The following MDGA2 variants were observed in gnomAD, a reference collection of about 807,000 sequenced individuals.
MDGA2 encodes the protein MAM domain-containing glycosylphosphatidylinositol anchor protein 2.
MDGA2 carries 40 observed loss-of-function variants against 117.8 expected under a neutral mutation model. That is an observed-to-expected ratio of 0.34 (90% CI 0.26 to 0.44). The LOEUF (loss-of-function observed/expected upper bound fraction) is 0.44, where lower values mean the gene tolerates loss of function less well. MDGA2 is among the 20% of genes least tolerant of loss of function. The pLI is 1.00. For synonymous variants in MDGA2, 452 were observed against 439.0 expected (o/e 1.03, Z -0.37); for missense variants, 1,123 against 1,250.6 (o/e 0.90, Z 1.54).
At chr14:47,451,966 T>C (rs549528286) in intron 1 of MDGA2, among the ~76,000 whole-genome samples, 44 of 152,202 alleles carry the variant, frequency 2.9e-4, no homozygotes, top group African/African-American at 1.0e-3. Context: ...GATAACTTCT[T>C]TGGGTACATT....
chr14:47,298,867 T>C (rs1889175361), intron 2 of MDGA2, among the ~76,000 whole-genome samples: 2 of 151,840 alleles, frequency 1.3e-5, no homozygotes, highest in African/African-American at 4.8e-5. Context: ...TTTGCATTTT[T>C]AGTAGAGACA....
intron 6 of MDGA2, among the ~76,000 whole-genome samples, chr14:47,073,138 C>T (rs112218298): frequency 2.0e-3 from 301 of 152,220 alleles, no homozygotes; most frequent in African/African-American, 6.8e-3. Context: ...TCTTTACCTA[C>T]GAATTTCTAA....
At chr14:47,240,079 C>G (rs1886989643) in intron 2 of MDGA2, among the ~76,000 whole-genome samples, 1 of 151,684 alleles carries the variant, frequency 6.6e-6, no homozygotes, top group African/African-American at 2.4e-5. Flanking sequence ...CAGTCTTGCT[C>G]TGTTGCCCAG....
intron 10 of MDGA2, among the ~76,000 whole-genome samples, chr14:46,919,016 C>T (rs1884019026): frequency 6.6e-6 from 1 of 152,136 alleles, no homozygotes; most frequent in Non-Finnish European, 1.5e-5. Context: ...CCCGCCTCGG[C>T]CTCCTAAAGT....
intron 1 of MDGA2, among the ~76,000 whole-genome samples, chr14:47,448,719 GC>G (rs1418106938): frequency 2.0e-5 from 3 of 152,124 alleles, no homozygotes; most frequent in African/African-American, 7.2e-5. Flanking sequence ...TCCTTATGCT[GC>G]AAATTATCAA....
At position 47,144,206 on chromosome 14, in the gene MDGA2, T is replaced by C; in HGVS notation, c.664A>G (p.Arg222Gly). The change falls in exon 4 of 17, where the codon AGA becomes GGA. Residue 222 changes from arginine (R) to glycine (G), a missense_variant. Transcript: ENST00000399232. Reference sequence around the variant, plus strand: ...GCAACACACCGGAGGAACACTGTTCTCTCATAGTAAAATTGTTCTTTAGCT... The same window carrying C: ...GCAACACACCGGAGGAACACTGTTCCCTCATAGTAAAATTGTTCTTTAGCT... Reference protein sequence around the residue: ...GEAKEQFYYERTVFLRCVANS... With the variant: ...GEAKEQFYYEGTVFLRCVANS... 6.4e-7 allele frequency: 1 copy of C among 1,551,328 alleles called. No individual in the cohort carries two copies. The highest frequency in any genetic ancestry group is 8.7e-7 in the Non-Finnish European group (1 of 1,146,740).
chr14:47,268,626 T>G (rs1594763336), intron 2 of MDGA2, among the ~76,000 whole-genome samples: 1 of 152,188 alleles, frequency 6.6e-6, no homozygotes, highest in Non-Finnish European at 1.5e-5. Context: ...AGTGTTTTAC[T>G]GTCATATGTC....
rs147473063 is a variant in MDGA2, at chr14:47,462,135, T to C, written c.281-160585A>G. Among the ~76,000 whole-genome samples the C allele has an allele frequency of 4.5e-3, 684 of 152,256 alleles. 6 individuals are homozygous for C. Among genetic ancestry groups the C allele is most frequent in the African/African-American group, 0.016 (646 of 41,560 alleles). ...GCTCACGCCTGTAACCCCAGCACTT[T>C]GGGAGGCCGAGGCGGGTGGATCACG... On this transcript the variant is annotated intron_variant, in intron 1 of 16. Coordinates refer to ENST00000399232, the MANE Select transcript of MDGA2 (RefSeq NM_001113498.3).
At chr14:47,032,332 G>A (rs766141645) in intron 8 of MDGA2, among the ~76,000 whole-genome samples, 6 of 152,042 alleles carry the variant, frequency 3.9e-5, no homozygotes, top group Non-Finnish European at 8.8e-5. Context: ...CGTACCTGTA[G>A]TCTCAACAGT....
At chr14:47,461,807 C>T (rs1893492987) in intron 1 of MDGA2, among the ~76,000 whole-genome samples, 1 of 152,144 alleles carries the variant, frequency 6.6e-6, no homozygotes, top group Non-Finnish European at 1.5e-5. Flanking sequence ...TCAAAGCTTT[C>T]CACTTTTCCC....
chr14:47,559,436 T>G (rs1021020731), intron 1 of MDGA2, among the ~76,000 whole-genome samples: 2 of 152,234 alleles, frequency 1.3e-5, no homozygotes, highest in Admixed American at 6.5e-5. Context: ...CTTGTTCTTT[T>G]TTATGGCTAT....
At chr14:47,248,817 G>A (rs551201912) in intron 2 of MDGA2, among the ~76,000 whole-genome samples, 70 of 151,430 alleles carry the variant, frequency 4.6e-4, no homozygotes, top group Non-Finnish European at 8.3e-4. Flanking sequence ...AGATTGATTT[G>A]AAAAAAAATT....
At chr14:47,540,271 C>T (rs949261974) in intron 1 of MDGA2, among the ~76,000 whole-genome samples, 2 of 152,042 alleles carry the variant, frequency 1.3e-5, no homozygotes, top group Non-Finnish European at 2.9e-5. Context: ...CCTCGGCCTC[C>T]CAAAGTGCTG....
rs545463866 is a variant in MDGA2, at chr14:47,508,169, T to G, written c.280+166348A>C. Among the ~76,000 whole-genome samples the G allele has an allele frequency of 8.7e-4, 132 of 152,368 alleles. 1 individual carries two copies. Among genetic ancestry groups the G allele is most frequent in the African/African-American group, 3.1e-3 (129 of 41,588 alleles). On this transcript the variant is annotated intron_variant, in intron 1 of 16. Transcript: ENST00000399232. ...TACAATTCAAATATTCGAAGAAAGTTATCTCTCCTATAAATCTTACTTCCA... is the reference window on the plus strand; with the variant it reads ...TACAATTCAAATATTCGAAGAAAGTGATCTCTCCTATAAATCTTACTTCCA...
intron 10 of MDGA2, among the ~76,000 whole-genome samples, chr14:46,889,115 C>A (rs1469843662): frequency 2.0e-5 from 3 of 151,912 alleles, no homozygotes; most frequent in Non-Finnish European, 4.4e-5. Context: ...TTAATAACCC[C>A]TTTTAGGGAA....
rs115653317 is a variant in MDGA2, at chr14:47,582,870, C to T, written c.280+91647G>A. ...TCTCTTAATCCAGAATTAGTAACAA[C>T]TTCAACCTCTTTGTCAGGTTCAACT... On this transcript the variant is annotated intron_variant, in intron 1 of 16. Transcript: ENST00000399232. Among the ~76,000 whole-genome samples the T allele has an allele frequency of 5.9e-3, 901 of 151,972 alleles. 9 individuals are homozygous for T. The highest frequency in any genetic ancestry group is 0.02 in the African/African-American group (842 of 41,518).
chr14:46,973,764 T>G (rs1886353126), intron 8 of MDGA2, among the ~76,000 whole-genome samples: 1 of 152,086 alleles, frequency 6.6e-6, no homozygotes, highest in African/African-American at 2.4e-5. Flanking sequence ...TGTTTGCAGA[T>G]GATAGAAAAC....
intron 8 of MDGA2, among the ~76,000 whole-genome samples, chr14:47,032,186 A>T (rs1888686866): frequency 6.6e-6 from 1 of 152,224 alleles, no homozygotes; most frequent in South Asian, 2.1e-4. Flanking sequence ...ATACATATGT[A>T]TATCCACATA....
chr14:47,471,374 T>G (rs1893725283), intron 1 of MDGA2, among the ~76,000 whole-genome samples: 1 of 151,990 alleles, frequency 6.6e-6, no homozygotes, highest in Non-Finnish European at 1.5e-5. Flanking sequence ...AAACAGCACT[T>G]TATTTCTACT....
Sources: allele counts gnomAD v4.1 joint callset (sites outside exome capture counted in the v4.1 genomes callset), GRCh38; gene constraint gnomAD v4.1.1; transcripts MANE v1.5; gene names NCBI Gene and HGNC (gene_info 2026-07-23, HGNC 2026-07-21).